AR: variants seen among roughly 807,000 people sequenced by gnomAD.
AR encodes the protein androgen receptor, also known as dihydrotestosterone receptor.
A neutral mutation model predicts 53.9 loss-of-function variants in AR; 8 were observed. The observed-to-expected ratio is 0.15, with a 90% CI of 0.09 to 0.27. AR has a LOEUF of 0.27. Ranked by LOEUF, AR falls within the 10% of genes least tolerant of loss-of-function variation. The pLI is 1.00. For missense variants in AR, 639 were observed against 742.5 expected, an observed-to-expected ratio of 0.86 and a Z score of 1.62; for synonymous variants, 359 against 316.4, an observed-to-expected ratio of 1.13 and a Z score of -1.43.
chrX:67,627,947 A>G (rs972253937), intron 1 of AR, among the ~76,000 whole-genome samples: 6 of 111,631 alleles, frequency 5.4e-5, no homozygotes, highest in African/African-American at 2.0e-4. Flanking sequence ...AGATAGTTGT[A>G]GATATGCGGC....
At chrX:67,711,240 A>G (rs1472379177) in intron 3 of AR, among the ~76,000 whole-genome samples, 162 bp from the exon 4 acceptor site, 1 of 112,218 alleles carries the variant, frequency 8.9e-6, no homozygotes, top group African/African-American at 3.2e-5. Context: ...TGAATTATAC[A>G]TTTAACCAGT....
At chrX:67,704,480 T>C (rs894048591) in intron 3 of AR, among the ~76,000 whole-genome samples, 1 of 112,017 alleles carries the variant, frequency 8.9e-6, no homozygotes, top group African/African-American at 3.3e-5. Context: ...TCTGCCCACT[T>C]TTTGATGGGG....
chrX:67,718,822 C>T lies in AR; in HGVS notation c.2318+1200C>T, dbSNP rs1009617624. ...CTAATTTTTGTATTTTTGGTAGAGA[C>T]GGGATTTCACCATGTTAGCCAGGCT... On this transcript the variant is annotated intron_variant, in intron 5 of 7. Transcript: ENST00000374690. 3.6e-5 allele frequency among the ~76,000 whole-genome samples: 4 copies of T among 111,404 alleles called. 1 individual carries two copies. The highest frequency in any genetic ancestry group is 2.9e-4 in the East Asian group (1 of 3,501).
At chrX:67,694,625 G>T in intron 3 of AR, 1 of 1,152,296 alleles carries the variant, frequency 8.7e-7, no homozygotes. Flanking sequence ...CTAGATACAA[G>T]CCCGTATTTA....
intron 1 of AR, among the ~76,000 whole-genome samples, chrX:67,586,441 G>A (rs756074109): frequency 9.0e-6 from 1 of 111,710 alleles, no homozygotes; most frequent in South Asian, 3.8e-4. Context: ...TACCAACTTT[G>A]TCTGTAACTC....
intron 3 of AR, among the ~76,000 whole-genome samples, chrX:67,699,951 G>A (rs1445684117): frequency 9.0e-6 from 1 of 111,411 alleles, no homozygotes; most frequent in Admixed American, 9.5e-5. Flanking sequence ...CTCCTCCCTA[G>A]GAATGATCCA....
At chrX:67,621,121 A>G (rs769321772) in intron 1 of AR, among the ~76,000 whole-genome samples, 1 of 111,850 alleles carries the variant, frequency 8.9e-6, no homozygotes, top group East Asian at 2.8e-4. Flanking sequence ...ATATTATTCT[A>G]CAACAGATCC....
At chrX:67,698,441 A>G (rs889218101) in intron 3 of AR, among the ~76,000 whole-genome samples, 2 of 112,798 alleles carry the variant, frequency 1.8e-5, no homozygotes, top group Non-Finnish European at 3.8e-5. Flanking sequence ...GGCATCAATC[A>G]CTGTCATTGT....
intron 2 of AR, among the ~76,000 whole-genome samples, chrX:67,654,826 G>T (rs747725304): frequency 1.0e-5 from 1 of 98,257 alleles, no homozygotes; most frequent in Non-Finnish European, 2.0e-5. Context: ...TAAAAACTAA[G>T]CTGGATTGTC....
intron 1 of AR, among the ~76,000 whole-genome samples, chrX:67,641,295 A>G (rs1004773317): frequency 1.8e-5 from 2 of 111,961 alleles, no homozygotes; most frequent in Non-Finnish European, 3.8e-5. Context: ...GGTTGTTGGG[A>G]AAATTAAATG....
intron 1 of AR, among the ~76,000 whole-genome samples, chrX:67,626,612 A>T (rs200833843): frequency 3.6e-5 from 1 of 27,468 alleles, no homozygotes; most frequent in Non-Finnish European, 1.9e-4. Context: ...GACTAATTTT[A>T]TATATATATA....
intron 3 of AR, among the ~76,000 whole-genome samples, chrX:67,701,723 C>G (rs139272222): frequency 0.011 from 1,267 of 110,851 alleles, 34 homozygotes; most frequent in Admixed American, 0.078. Context: ...CACACACACC[C>G]TACTGTATTG....
chrX:67,718,446 G>A (rs1569314677), intron 5 of AR, among the ~76,000 whole-genome samples: 1 of 111,537 alleles, frequency 9.0e-6, no homozygotes, highest in Non-Finnish European at 1.9e-5. Flanking sequence ...TTCTTAGTCA[G>A]CATCTTTGGG....
At chrX:67,607,031 GTT>G (rs765496242) in intron 1 of AR, among the ~76,000 whole-genome samples, 1 of 105,012 alleles carries the variant, frequency 9.5e-6, no homozygotes. Context: ...TTGTGTTTTT[GTT>G]TTTTTTTTTA....
chrX:67,596,240 C>CTTT (rs200611811), intron 1 of AR, among the ~76,000 whole-genome samples: 14 of 100,916 alleles, frequency 1.4e-4, no homozygotes, highest in Non-Finnish European at 1.6e-4. Flanking sequence ...AATTAAACCT[C>CTTT]TTTTTTTTTT....
intron 1 of AR, among the ~76,000 whole-genome samples, chrX:67,560,258 G>C (rs763762705): frequency 9.0e-6 from 1 of 111,281 alleles, no homozygotes; most frequent in Non-Finnish European, 1.9e-5. Context: ...GGGATATGCT[G>C]TTTCCCAAAG....
At chrX:67,561,136 G>A (rs12009650) in intron 1 of AR, among the ~76,000 whole-genome samples, 46 of 112,128 alleles carry the variant, frequency 4.1e-4, no homozygotes, top group African/African-American at 1.4e-3. Context: ...CTAAACATCT[G>A]TCTCTCTTTA....
In AR at chrX:67,643,290, G is replaced by C. The variant is rs777461721; in HGVS notation, c.1651G>C (p.Asp551His). 35 of 1,209,783 alleles carry C rather than the reference G, an allele frequency of 2.9e-5. No homozygotes were observed. The highest frequency in any genetic ancestry group is 1.9e-4 in the South Asian group (11 of 56,846). Residue 551 changes from aspartate (D) to histidine (H), a missense_variant, in exon 2 of 8, where the codon GAC becomes CAC. Coordinates refer to ENST00000374690, the MANE Select transcript of AR (RefSeq NM_000044.6). The stretch of plus-strand genomic sequence containing the variant: ...TGCCAGGGACCATGTTTTGCCCATT[G>C]ACTATTACTTTCCACCCCAGAAGAC... ...ETARDHVLPI[D>H]YYFPPQKTCL...
chrX:67,721,805 C>CT (rs2076136976), intron 5 of AR, 28 bp from the exon 6 acceptor site: 1 of 1,208,336 alleles, frequency 8.3e-7, no homozygotes, highest in Admixed American at 2.2e-5. Flanking sequence ...CCCCTCATTC[C>CT]TTTTTCCTCT....
Sources: gnomAD v4.1 joint callset for allele counts (sites outside exome capture counted in the v4.1 genomes callset) on GRCh38, gnomAD v4.1.1 for gene constraint, MANE v1.5 for transcripts, NCBI Gene and HGNC (gene_info 2026-07-23, HGNC 2026-07-21) for gene names.